YPEL4: variants seen among roughly 807,000 people sequenced by gnomAD.
YPEL4 encodes the protein protein yippee-like 4.
In YPEL4, 5 loss-of-function variants were observed where a neutral mutation model predicts 16.3. That is an observed-to-expected ratio of 0.31 (90% confidence interval 0.16 to 0.64). YPEL4 has a LOEUF of 0.64. Ranked by LOEUF, YPEL4 falls within the 30% of genes least tolerant of loss-of-function variation. The pLI is 0.79. For synonymous variants in YPEL4, 61 were observed against 60.7 expected (o/e 1.00, Z -0.02); for missense variants, 127 against 170.0 (o/e 0.75, Z 1.41).
chr11:57,645,251 G>C lies in YPEL4; in HGVS notation c.*730C>G, dbSNP rs1945717066. On this transcript the variant is annotated 3_prime_UTR_variant, in exon 5 of 5. Coordinates refer to ENST00000300022, the MANE Select transcript of YPEL4 (RefSeq NM_145008.3). ...TCCCAGGAGCAGTGACTGGGCCTCAGAGAAAGCCCATAAAGACTGCTTACT... is the reference window on the plus strand; with the variant it reads ...TCCCAGGAGCAGTGACTGGGCCTCACAGAAAGCCCATAAAGACTGCTTACT... 6.6e-6 allele frequency: 1 copy of C among 152,462 alleles called. No individual in the cohort carries two copies. The highest frequency in any genetic ancestry group is 1.5e-5 in the Non-Finnish European group (1 of 68,022). 9.4% of individuals were successfully genotyped at this position (152,462 alleles called of 1,614,324 possible). A position where few individuals can be genotyped will look rare whatever the true frequency, so the allele number is the denominator to read the frequency against.
Position 57,647,205 on chromosome 11 carries a change from A to G in YPEL4, c.-98T>C. 6.9e-7 allele frequency: 1 copy of G among 1,442,626 alleles called. No individual in the cohort carries two copies. Among genetic ancestry groups the G allele is most frequent in the East Asian group, 2.6e-5 (1 of 38,830 alleles). The allele number at this position is 1,442,626 out of a possible 1,614,324, so 89.4% of individuals were successfully genotyped here. On this transcript the variant is annotated 5_prime_UTR_variant, in exon 2 of 5. Transcript: ENST00000300022. The surrounding 1 kb of genome is among the most constrained non-coding windows in gnomAD (Gnocchi z 4.2). ...GGTGAAGCAGCGGAGCAGGTTGGCT[A>G]GAGCCGTGTTTCAGGGCAGGAGAAG...
rs1345208694 is a variant in YPEL4, at chr11:57,647,104, G to A, written c.4C>T (p.Pro2Ser). 6.4e-7 allele frequency: 1 copy of A among 1,573,520 alleles called. No individual in the cohort carries two copies. The highest frequency in any genetic ancestry group is 2.3e-5 in the East Asian group (1 of 43,882). The change falls in exon 2 of 5, where the codon CCC becomes TCC. Residue 2 changes from proline (P) to serine (S), a missense_variant. Coordinates refer to ENST00000300022, the MANE Select transcript of YPEL4 (RefSeq NM_145008.3). The surrounding 1 kb of genome is among the most constrained non-coding windows in gnomAD (Gnocchi z 4.2). The part of the protein sequence containing the change: M[P>S]SCDPGPGPAC... ...GGGCCCGGACCGGGGTCACAGCTGGGCATGACGGGCTGGAGGACAATGCCC... is the reference window on the plus strand; with the variant it reads ...GGGCCCGGACCGGGGTCACAGCTGGACATGACGGGCTGGAGGACAATGCCC...
At chr11:57,646,901 C>T (rs1414171804) in intron 2 of YPEL4, 66 bp downstream of exon 2, 1 of 1,584,862 alleles carries the variant, frequency 6.3e-7, no homozygotes, top group South Asian at 1.1e-5. Flanking sequence ...TGCCTCACCC[C>T]TGGGTGATGT....
rs1223797104 is a variant in YPEL4, at chr11:57,646,811, C to T, written c.142-17G>A. ...TTGGAAGGACTGTGGAGACATAGGA[C>T]AGACAATGACTACCAAGCAGCCTTC... On this transcript the variant is annotated splice_polypyrimidine_tract_variant and intron_variant, in intron 2 of 4. Coordinates refer to ENST00000300022, the MANE Select transcript of YPEL4 (RefSeq NM_145008.3). 6.2e-7 allele frequency: 1 copy of T among 1,613,732 alleles called. No homozygotes were observed. Among genetic ancestry groups the T allele is most frequent in the Admixed American group, 1.7e-5 (1 of 59,926 alleles).
At chr11:57,646,548 G>A in intron 3 of YPEL4, 143 bp from the exon 4 acceptor site, 1 of 1,198,220 alleles carries the variant, frequency 8.3e-7, no homozygotes, top group Non-Finnish European at 1.2e-6. Context: ...ACTAGAGCCT[G>A]GGCCTTCTTT....
chr11:57,646,196 C>T (rs1180092052), intron 4 of YPEL4, 101 bp downstream of exon 4: 1 of 1,568,350 alleles, frequency 6.4e-7, no homozygotes, highest in Non-Finnish European at 8.8e-7. Flanking sequence ...TCTTTCTTTC[C>T]TCTTTGGACC....
chr11:57,648,816 C>T (rs1476190840), intron 1 of YPEL4: 1 of 152,392 alleles, frequency 6.6e-6, no homozygotes, highest in Non-Finnish European at 1.5e-5. Context: ...GCCAAGAGAC[C>T]ACCTTTCAGT....
chr11:57,647,251 A>G lies in YPEL4; in HGVS notation c.-144T>C. 1 of 1,153,684 alleles carries G rather than the reference A, an allele frequency of 8.7e-7. No homozygotes were observed. The highest frequency in any genetic ancestry group is 1.2e-6 in the Non-Finnish European group (1 of 852,180). The allele number at this position is 1,153,684 out of a possible 1,614,324, so 71.5% of individuals were successfully genotyped here. On this transcript the variant is annotated 5_prime_UTR_variant, in exon 2 of 5. Coordinates refer to ENST00000300022, the MANE Select transcript of YPEL4 (RefSeq NM_145008.3). The surrounding 1 kb of genome is among the most constrained non-coding windows in gnomAD (Gnocchi z 4.2). ...AGAAGTGTTGGGGGGCTGCCCGGCC[A>G]GGGCCCCCCCAGACGAGAACCAGAT...
At position 57,647,299 on chromosome 11, in the gene YPEL4, G is replaced by A; in HGVS notation, c.-184-8C>T. On this transcript the variant is annotated splice_region_variant and splice_polypyrimidine_tract_variant and intron_variant, in intron 1 of 4. Coordinates refer to ENST00000300022, the MANE Select transcript of YPEL4 (RefSeq NM_145008.3). The surrounding 1 kb of genome is among the most constrained non-coding windows in gnomAD (Gnocchi z 4.2). ...GATAGAAATAGAAGTCACCTGGGAAGAGGGGAAAGGACATCAGGGGAGCTG... is the reference window on the plus strand; with the variant it reads ...GATAGAAATAGAAGTCACCTGGGAAAAGGGGAAAGGACATCAGGGGAGCTG... The A allele has an allele frequency of 1.4e-6, 1 of 710,238 alleles. No individual in the cohort carries two copies. The highest frequency in any genetic ancestry group is 3.1e-5 in the East Asian group (1 of 32,394). The allele number at this position is 710,238 out of a possible 1,614,324, so 44.0% of individuals were successfully genotyped here. A position where few individuals can be genotyped will look rare whatever the true frequency, so the allele number is the denominator to read the frequency against.
intron 3 of YPEL4, 36 bp from the exon 4 acceptor site, chr11:57,646,441 G>A (rs1374388820): frequency 4.3e-6 from 7 of 1,611,110 alleles, no homozygotes; most frequent in Non-Finnish European, 5.9e-6. Flanking sequence ...AGCACCCAGT[G>A]GGGTTGCACT....
Position 57,645,677 on chromosome 11 carries a change from T to C in YPEL4, c.*304A>G. The C allele has an allele frequency of 2.5e-6, 1 of 395,356 alleles. No homozygotes were observed. The highest frequency in any genetic ancestry group is 4.6e-5 in the East Asian group (1 of 21,956). The allele number at this position is 395,356 out of a possible 1,614,324, so 24.5% of individuals were successfully genotyped here. On this transcript the variant is annotated 3_prime_UTR_variant, in exon 5 of 5. Coordinates refer to ENST00000300022, the MANE Select transcript of YPEL4 (RefSeq NM_145008.3). ...CCTCCCACAATCCTCTCTGCCTGAG[T>C]CTATGCCCTGCCATCGCTTCCATGT...
rs773403127 is a variant in YPEL4, at chr11:57,646,389, C to T, written c.202G>A (p.Gly68Arg). ...LFNSVVNVGC[G>R]PAEQRLLLTG... ...AGCAAGAGGCGCTGTTCAGCTGGCCCGCAACCCACGTTGACCCTGTCTCAG... is the reference window on the plus strand; with the variant it reads ...AGCAAGAGGCGCTGTTCAGCTGGCCTGCAACCCACGTTGACCCTGTCTCAG... The change falls in exon 4 of 5, where the codon GGG becomes AGG. Residue 68 changes from glycine to arginine, a missense_variant. By Grantham distance (125) the Gly-to-Arg change is moderately radical. Transcript: ENST00000300022. The T allele has an allele frequency of 2.4e-5, 38 of 1,614,034 alleles. No homozygotes were observed. Among genetic ancestry groups the T allele is most frequent in the Non-Finnish European group, 3.1e-5 (37 of 1,180,046 alleles).
chr11:57,646,152 A>G, intron 4 of YPEL4, 82 bp from the exon 5 acceptor site: 2 of 1,574,634 alleles, frequency 1.3e-6, no homozygotes, highest in Non-Finnish European at 1.7e-6. Flanking sequence ...CCCCACCCCA[A>G]GGGTCATCCA....
At position 57,647,409 on chromosome 11, in the gene YPEL4, C is replaced by T. The variant is rs2135348912; in HGVS notation, c.-184-118G>A. On this transcript the variant is annotated intron_variant, in intron 1 of 4. Coordinates refer to ENST00000300022, the MANE Select transcript of YPEL4 (RefSeq NM_145008.3). This position sits in a 1 kb window ranked among gnomAD's most constrained non-coding sequence, Gnocchi z 4.2. The stretch of plus-strand genomic sequence containing the variant: ...CTCTACTTTCCCCATCACCATCGAC[C>T]CCCCCACAGCATCCAGTTGCATTGT... 7.5e-6 allele frequency: 2 copies of T among 266,594 alleles called. No homozygotes were observed. The highest frequency in any genetic ancestry group is 1.4e-5 in the Non-Finnish European group (2 of 141,900). 16.5% of individuals were successfully genotyped at this position (266,594 alleles called of 1,614,324 possible). A position where few individuals can be genotyped will look rare whatever the true frequency, so the allele number is the denominator to read the frequency against.
At position 57,647,176 on chromosome 11, in the gene YPEL4, C is replaced by G; in HGVS notation, c.-69G>C. 6.8e-7 allele frequency: 1 copy of G among 1,476,526 alleles called. No homozygotes were observed. Among genetic ancestry groups the G allele is most frequent in the Non-Finnish European group, 9.0e-7 (1 of 1,114,730 alleles). The allele number at this position is 1,476,526 out of a possible 1,614,324, so 91.5% of individuals were successfully genotyped here. A position where few individuals can be genotyped will look rare whatever the true frequency, so the allele number is the denominator to read the frequency against. On this transcript the variant is annotated 5_prime_UTR_variant, in exon 2 of 5. Transcript: ENST00000300022. This position sits in a 1 kb window ranked among gnomAD's most constrained non-coding sequence, Gnocchi z 4.2. ...GCCGTGCAGCCCCCGCAGAGACGGT[C>G]GCAGGTGAAGCAGCGGAGCAGGTTG...
In YPEL4 at chr11:57,647,257, C is replaced by T; in HGVS notation, c.-150G>A. 2 of 1,085,860 alleles carry T rather than the reference C, an allele frequency of 1.8e-6. No homozygotes were observed. The highest frequency in any genetic ancestry group is 2.5e-6 in the Non-Finnish European group (2 of 793,672). The allele number at this position is 1,085,860 out of a possible 1,614,324, so 67.3% of individuals were successfully genotyped here. A position where few individuals can be genotyped will look rare whatever the true frequency, so the allele number is the denominator to read the frequency against. ...GTTGGGGGGCTGCCCGGCCAGGGCC[C>T]CCCCAGACGAGAACCAGATAGAAAT... On this transcript the variant is annotated 5_prime_UTR_variant, in exon 2 of 5. Coordinates refer to ENST00000300022, the MANE Select transcript of YPEL4 (RefSeq NM_145008.3). This position sits in a 1 kb window ranked among gnomAD's most constrained non-coding sequence, Gnocchi z 4.2.
chr11:57,646,094 T>A (rs374916172), intron 4 of YPEL4, 24 bp from the exon 5 acceptor site: 3 of 1,613,626 alleles, frequency 1.9e-6, no homozygotes, highest in Non-Finnish European at 2.5e-6. Flanking sequence ...AAGCAGTGAT[T>A]GTAGGACAAA....
At position 57,647,140 on chromosome 11, in the gene YPEL4, G is replaced by C. The variant is rs1590842160; in HGVS notation, c.-33C>G. On this transcript the variant is annotated 5_prime_UTR_variant, in exon 2 of 5. Transcript: ENST00000300022. The surrounding 1 kb of genome is among the most constrained non-coding windows in gnomAD (Gnocchi z 4.2). ...TGGAGGACAATGCCCTGGTGGGCTG[G>C]AGGGGCTGGCGCCGTGCAGCCCCCG... 1.3e-6 allele frequency: 2 copies of C among 1,533,020 alleles called. No individual in the cohort carries two copies. Among genetic ancestry groups the C allele is most frequent in the Non-Finnish European group, 1.7e-6 (2 of 1,143,726 alleles). 95.0% of individuals were successfully genotyped at this position (1,533,020 alleles called of 1,614,324 possible). A position where few individuals can be genotyped will look rare whatever the true frequency, so the allele number is the denominator to read the frequency against.
At chr11:57,646,659 T>A in intron 3 of YPEL4, 92 bp downstream of exon 3, 6 of 1,551,502 alleles carry the variant, frequency 3.9e-6, no homozygotes, top group Non-Finnish European at 5.3e-6. Flanking sequence ...AGGCACAAGA[T>A]CACCTGATGG....
Sources: gnomAD v4.1 joint callset for allele counts on GRCh38, gnomAD v4.1.1 for gene constraint, Gnocchi (gnomAD v3.1) non-coding constraint, MANE v1.5 for transcripts, NCBI Gene and HGNC (gene_info 2026-07-23, HGNC 2026-07-21) for gene names.